SDK2: variants seen among roughly 807,000 people sequenced by gnomAD.
The protein encoded by SDK2 is protein sidekick-2.
In SDK2, 105 loss-of-function variants were observed where a neutral mutation model predicts 253.9. The ratio of observed to expected loss-of-function variants is 0.41; its 90% CI spans 0.35 to 0.49. The LOEUF (loss-of-function observed/expected upper bound fraction) is 0.49, where lower values mean the gene tolerates loss of function less well. SDK2 is among the 20% of genes least tolerant of loss of function. SDK2 has a pLI of 0.06. For synonymous variants in SDK2, 1,249 were observed against 1,234.9 expected (o/e 1.01, Z -0.24); for missense variants, 2,608 against 3,003.0 (o/e 0.87, Z 3.07).
At chr17:73,578,034 T>C (rs1394489785) in intron 1 of SDK2, among the ~76,000 whole-genome samples, 1 of 150,330 alleles carries the variant, frequency 6.7e-6, no homozygotes, top group Admixed American at 6.6e-5. Context: ...TGGGTTCTCC[T>C]CCAGGGTCTT....
At chr17:73,628,078 C>A (rs898510282) in intron 1 of SDK2, among the ~76,000 whole-genome samples, 6 of 152,044 alleles carry the variant, frequency 3.9e-5, no homozygotes, top group African/African-American at 1.5e-4. Context: ...AAAACCAAAC[C>A]AAAAAACACC....
intron 33 of SDK2, among the ~76,000 whole-genome samples, chr17:73,382,830 C>A (rs866200020): frequency 6.6e-6 from 1 of 152,100 alleles, no homozygotes; most frequent in Non-Finnish European, 1.5e-5. Flanking sequence ...GGTGAAACCC[C>A]GTCTCTACTA....
intron 1 of SDK2, among the ~76,000 whole-genome samples, chr17:73,515,262 G>A (rs893612863): frequency 6.6e-6 from 1 of 152,168 alleles, no homozygotes; most frequent in Non-Finnish European, 1.5e-5. Flanking sequence ...TCCCAAAGCT[G>A]TCTCACCCTT....
intron 1 of SDK2, among the ~76,000 whole-genome samples, chr17:73,621,480 A>C (rs2046131882): frequency 6.6e-6 from 1 of 152,206 alleles, no homozygotes; most frequent in African/African-American, 2.4e-5. Flanking sequence ...GAGATGTTGA[A>C]ATTAGCGGAC....
At chr17:73,485,618 T>C (rs561742932) in intron 2 of SDK2, among the ~76,000 whole-genome samples, 1 of 152,306 alleles carries the variant, frequency 6.6e-6, no homozygotes, top group East Asian at 1.9e-4. Flanking sequence ...GCCTCTACAA[T>C]AGGTGTACCA....
intron 1 of SDK2, among the ~76,000 whole-genome samples, chr17:73,557,491 T>C (rs1479483542): frequency 1.3e-5 from 2 of 152,052 alleles, no homozygotes; most frequent in Non-Finnish European, 2.9e-5. Context: ...TTATTAGAGA[T>C]GGAGTTTCAC....
intron 2 of SDK2, among the ~76,000 whole-genome samples, chr17:73,497,970 C>T (rs537510694): frequency 6.6e-6 from 1 of 152,314 alleles, no homozygotes; most frequent in African/African-American, 2.4e-5. Context: ...TTGGCATCCC[C>T]CTGCCCTGGC....
intron 9 of SDK2, among the ~76,000 whole-genome samples, chr17:73,434,939 C>T (rs1328448233): frequency 1.4e-5 from 2 of 144,078 alleles, no homozygotes; most frequent in Non-Finnish European, 3.1e-5. Flanking sequence ...CCACAGTTAT[C>T]ACCTTTGATT....
At chr17:73,400,678 C>T (rs568671089) in intron 21 of SDK2, among the ~76,000 whole-genome samples, 5 of 150,412 alleles carry the variant, frequency 3.3e-5, no homozygotes, top group African/African-American at 1.2e-4. Context: ...TTTTGAGACG[C>T]GATGTGGCCC....
intron 18 of SDK2, among the ~76,000 whole-genome samples, chr17:73,403,883 T>G (rs1017389768): frequency 2.0e-5 from 3 of 152,218 alleles, no homozygotes; most frequent in Non-Finnish European, 4.4e-5. Flanking sequence ...TGGAGTAGAT[T>G]AAGAAACAAG....
intron 2 of SDK2, among the ~76,000 whole-genome samples, chr17:73,475,590 G>A (rs1470197943): frequency 1.3e-5 from 2 of 152,226 alleles, no homozygotes. Context: ...AATGGAATTG[G>A]ATCAATAAAT....
intron 1 of SDK2, among the ~76,000 whole-genome samples, chr17:73,551,886 T>G (rs181008633): frequency 1.3e-5 from 2 of 152,262 alleles, no homozygotes; most frequent in East Asian, 3.9e-4. Context: ...CAGGCTTCCC[T>G]TCTGTCTCCA....
chr17:73,638,715 T>G (rs2046361719), intron 1 of SDK2, among the ~76,000 whole-genome samples: 3 of 151,760 alleles, frequency 2.0e-5, no homozygotes, highest in Admixed American at 2.0e-4. Flanking sequence ...GGACACATTA[T>G]AAGAACTTAA....
In SDK2 at chr17:73,483,707, ATTTTT is replaced by A. The variant is rs35288553; in HGVS notation, c.225-11494_225-11490del. 3.7e-4 allele frequency among the ~76,000 whole-genome samples: 24 copies of A among 64,278 alleles called. 1 individual carries two copies. Among genetic ancestry groups the A allele is most frequent in the African/African-American group, 1.7e-3 (23 of 13,822 alleles). The allele number at this position is 64,278 out of a possible 152,430, so 42.2% of individuals were successfully genotyped here. ...TTTATATATATATATATATATATAT[ATTTTT>A]TTTTTTTTTTAGTAGAGTTGGGGTT... On this transcript the variant is annotated intron_variant, in intron 2 of 44. Coordinates refer to ENST00000392650, the MANE Select transcript of SDK2 (RefSeq NM_001144952.2).
Position 73,609,102 on chromosome 17 carries a change from G to A in SDK2, c.64+34923C>T, listed in dbSNP as rs549552266. ...CTCAGTAAAGCCTGGGAAGGCCGCTGGAGGAAAGCCTTTTTGGGGAAGATC... is the reference window on the plus strand; with the variant it reads ...CTCAGTAAAGCCTGGGAAGGCCGCTAGAGGAAAGCCTTTTTGGGGAAGATC... On this transcript the variant is annotated intron_variant, in intron 1 of 44. Transcript: ENST00000392650. The surrounding 1 kb of genome is among the most constrained non-coding windows in gnomAD (Gnocchi z 4.4). Among the ~76,000 whole-genome samples, 2 of 152,342 alleles carry A rather than the reference G, an allele frequency of 1.3e-5. No individual in the cohort carries two copies. The highest frequency in any genetic ancestry group is 1.9e-4 in the East Asian group (1 of 5,184).
rs1318467320 is a variant in SDK2 at position 73,387,892 on chromosome 17, C to G, written c.4338G>C (p.Arg1446Ser). ...TCACGGAGGCCGAGTGCAGTGCCCA[C>G]CTGCCGCTGGGCAGCTCGCGGGTCT... ...TIQTRELPSG[R>S]WALHSASVSH... is the part of the protein sequence containing the mutation. The change falls in exon 30 of 45, where the codon AGG (arginine) becomes AGC (serine). Residue 1446 changes from arginine (R) to serine (S), a missense_variant. Arg to Ser is a moderately radical substitution (Grantham distance 110). This residue lies in a region of SDK2 where 1,103 missense variants were observed against 1,143.9 expected (regional missense o/e 0.96). Coordinates refer to ENST00000392650, the MANE Select transcript of SDK2 (RefSeq NM_001144952.2). 3.1e-6 allele frequency: 5 copies of G among 1,592,272 alleles called. No homozygotes were observed. Among genetic ancestry groups the G allele is most frequent in the Non-Finnish European group, 4.3e-6 (5 of 1,170,226 alleles).
chr17:73,466,542 G>A (rs952023123), intron 3 of SDK2, among the ~76,000 whole-genome samples: 2 of 152,194 alleles, frequency 1.3e-5, no homozygotes, highest in Non-Finnish European at 2.9e-5. Context: ...ACTGCCAGCT[G>A]TGGAACTGGA....
intron 1 of SDK2, among the ~76,000 whole-genome samples, chr17:73,572,271 C>T (rs2145869426): frequency 6.6e-6 from 1 of 152,112 alleles, no homozygotes; most frequent in East Asian, 1.9e-4. Context: ...TTTGCTGTTT[C>T]CCTCCCTCCC....
rs1308055601 is a variant in SDK2 at position 73,416,728 on chromosome 17, T to A, written c.2187-736A>T. Among the ~76,000 whole-genome samples the A allele has an allele frequency of 4.6e-5, 7 of 152,034 alleles. No homozygotes were observed. The East Asian group carries it at 1.4e-3, about 30-fold the overall frequency. ...CCTCAGCCTCCCAAGTAGCTGGGAC[T>A]ACAGGCATGCGCTCCCATGCCTGGC... On this transcript the variant is annotated intron_variant, in intron 16 of 44. Transcript: ENST00000392650.
Sources: gnomAD v4.1 joint callset for allele counts (sites outside exome capture counted in the v4.1 genomes callset) on GRCh38, gnomAD v4.1.1 for gene constraint, gnomAD v4.1.1 regional missense constraint, Gnocchi (gnomAD v3.1) non-coding constraint, MANE v1.5 for transcripts, NCBI Gene and HGNC (gene_info 2026-07-23, HGNC 2026-07-21) for gene names.